Variants in ZNF510 observed in about 807,000 individuals in gnomAD.
ZNF510 encodes zinc finger protein 510.
In ZNF510, 15 loss-of-function variants were observed where a neutral mutation model predicts 18.1. The observed-to-expected ratio is 0.83, with a 90% CI of 0.55 to 1.28. The LOEUF is 1.28. Among genes scored for constraint, ZNF510 ranks in the 50% most tolerant of loss-of-function variants. The pLI is 0.00. For missense variants in ZNF510, 724 were observed against 791.8 expected, an observed-to-expected ratio of 0.91 and a Z score of 1.03; for synonymous variants, 261 against 266.4, an observed-to-expected ratio of 0.98 and a Z score of 0.20.
At chr9:96,762,494 G>T (rs1232297096) in intron 5 of ZNF510, among the ~76,000 whole-genome samples, 1 of 145,156 alleles carries the variant, frequency 6.9e-6, no homozygotes, top group Admixed American at 6.7e-5. Context: ...GAGTGACAGA[G>T]GGAGACTCCG....
intron 4 of ZNF510, 134 bp downstream of exon 4, chr9:96,763,372 A>G: frequency 7.6e-7 from 1 of 1,308,442 alleles, no homozygotes; most frequent in Non-Finnish European, 1.1e-6. Flanking sequence ...TCGACAGGGC[A>G]TAGTTACTTT....
At chr9:96,762,622 C>T (rs1270007305) in intron 5 of ZNF510, among the ~76,000 whole-genome samples, 9 of 152,184 alleles carry the variant, frequency 5.9e-5, no homozygotes, top group Middle Eastern at 6.3e-3. Flanking sequence ...TCCATATCCT[C>T]ACCAAGACTT....
rs79169465 is a variant in ZNF510 at position 96,755,546 on chromosome 9, T to C, written c.*3232A>G. On this transcript the variant is annotated 3_prime_UTR_variant, in exon 6 of 6. Coordinates refer to ENST00000223428, the MANE Select transcript of ZNF510 (RefSeq NM_014930.3). ...CAGTTACAATGTAACTGGCCTATGA[T>C]ATTCTATTTCTTAAGTCCTAAGATG... 0.015 allele frequency among the ~76,000 whole-genome samples: 2,321 copies of C among 152,282 alleles called. 63 individuals carry two copies. The highest frequency in any genetic ancestry group is 0.052 in the African/African-American group (2,177 of 41,552).
intron 3 of ZNF510, 68 bp downstream of exon 3, chr9:96,774,720 A>G (rs1849652732): frequency 1.5e-6 from 2 of 1,352,354 alleles, no homozygotes; most frequent in Admixed American, 3.5e-5. Flanking sequence ...CTACATTTCC[A>G]TATTAATATG....
At chr9:96,766,620 ACT>A (rs770870351) in intron 3 of ZNF510, among the ~76,000 whole-genome samples, 7 of 151,464 alleles carry the variant, frequency 4.6e-5, no homozygotes, top group Non-Finnish European at 5.9e-5. Flanking sequence ...GCATAACATA[ACT>A]CTCTGGTTTC....
Position 96,764,889 on chromosome 9 carries a change from C to T in ZNF510, c.130-1257G>A, listed in dbSNP as rs973044463. Among the ~76,000 whole-genome samples the T allele has an allele frequency of 4.6e-5, 7 of 151,758 alleles. No individual in the cohort carries two copies. The South Asian group carries it at 6.2e-4, about 14-fold the overall frequency. ...TAGCACTTTGGGAGGCCGAGGCAGG[C>T]GGATCACGAGGTCAGGAGTTTGAGA... On this transcript the variant is annotated intron_variant, in intron 3 of 5. Coordinates refer to ENST00000223428, the MANE Select transcript of ZNF510 (RefSeq NM_014930.3).
chr9:96,769,149 A>C (rs928419868), intron 3 of ZNF510, among the ~76,000 whole-genome samples: 1 of 152,156 alleles, frequency 6.6e-6, no homozygotes, highest in African/African-American at 2.4e-5. Flanking sequence ...AATTGCCTCA[A>C]AACAGCCAGG....
Position 96,758,287 on chromosome 9 carries a change from A to C in ZNF510, c.*491T>G, listed in dbSNP as rs979304766. 8 of 153,934 alleles carry C rather than the reference A, an allele frequency of 5.2e-5. No individual in the cohort carries two copies. The highest frequency in any genetic ancestry group is 1.9e-4 in the African/African-American group (8 of 41,438). The allele number at this position is 153,934 out of a possible 1,614,324, so 9.5% of individuals were successfully genotyped here. A position where few individuals can be genotyped will look rare whatever the true frequency, so the allele number is the denominator to read the frequency against. On this transcript the variant is annotated 3_prime_UTR_variant, in exon 6 of 6. Transcript: ENST00000223428. ...CAAGCTTGTCCTAGAAATGATATCC[A>C]TTTTGTTGTGACAGGGCCCTGGTAA...
Position 96,756,861 on chromosome 9 carries a change from G to C in ZNF510, c.*1917C>G, listed in dbSNP as rs1296399653. Reference sequence around the variant, plus strand: ...GAAGCCCAAAATGATCAGAGCTGTTGGACCTCAGAGGTATCTTTACATACA... The same window carrying C: ...GAAGCCCAAAATGATCAGAGCTGTTCGACCTCAGAGGTATCTTTACATACA... On this transcript the variant is annotated 3_prime_UTR_variant, in exon 6 of 6. Coordinates refer to ENST00000223428, the MANE Select transcript of ZNF510 (RefSeq NM_014930.3). 1 of 152,126 alleles carries C rather than the reference G, an allele frequency of 6.6e-6. No individual in the cohort carries two copies. The highest frequency in any genetic ancestry group is 1.5e-5 in the Non-Finnish European group (1 of 68,024). The allele number at this position is 152,126 out of a possible 1,614,324, so 9.4% of individuals were successfully genotyped here. A position where few individuals can be genotyped will look rare whatever the true frequency, so the allele number is the denominator to read the frequency against.
Position 96,757,785 on chromosome 9 carries a change from C to T in ZNF510, c.*993G>A, listed in dbSNP as rs1175353501. 1 of 152,140 alleles carries T rather than the reference C, an allele frequency of 6.6e-6. No individual in the cohort carries two copies. The highest frequency in any genetic ancestry group is 1.5e-5 in the Non-Finnish European group (1 of 68,024). 9.4% of individuals were successfully genotyped at this position (152,140 alleles called of 1,614,324 possible). A position where few individuals can be genotyped will look rare whatever the true frequency, so the allele number is the denominator to read the frequency against. On this transcript the variant is annotated 3_prime_UTR_variant, in exon 6 of 6. Transcript: ENST00000223428. The stretch of plus-strand genomic sequence containing the variant: ...AGGACTAATAATGGAATAATTACAA[C>T]AACATGCCAGAAATGCTCTTGCAAT...
chr9:96,775,769 T>C (rs1849683915), intron 2 of ZNF510, among the ~76,000 whole-genome samples: 1 of 152,156 alleles, frequency 6.6e-6, no homozygotes, highest in Non-Finnish European at 1.5e-5. Flanking sequence ...GAGGCAACCT[T>C]AGTAAATTTC....
chr9:96,763,388 C>T (rs1849401356), intron 4 of ZNF510, 118 bp downstream of exon 4: 10 of 1,382,284 alleles, frequency 7.2e-6, no homozygotes, highest in Non-Finnish European at 9.8e-6. Flanking sequence ...ACTTTGGAAT[C>T]CTGAATGAAA....
intron 2 of ZNF510, among the ~76,000 whole-genome samples, 195 bp downstream of exon 2, chr9:96,775,805 T>G (rs1256660888): frequency 6.6e-6 from 1 of 152,198 alleles, no homozygotes; most frequent in African/African-American, 2.4e-5. Flanking sequence ...ATGGATGTTG[T>G]GTGAGAGTGA....
In ZNF510 at chr9:96,760,449, C is replaced by T. The variant is rs755511248; in HGVS notation, c.381G>A (p.Lys127=). ...GTTTGTCTTTGATTTTCTTGTTCTG[C>T]TTGATCAGGTCATCACCTCTGTAAT... ...PKDYRGDDLI[K]QNKKIKDKHL... The change falls in exon 6 of 6, where the codon AAG becomes AAA. Residue 127 remains lysine (K), a synonymous_variant. Transcript: ENST00000223428. 3.7e-6 allele frequency: 6 copies of T among 1,610,272 alleles called. No individual in the cohort carries two copies. In the South Asian group the frequency reaches 5.5e-5, roughly 15 times the overall value.
At chr9:96,766,599 G>A (rs1312136006) in intron 3 of ZNF510, among the ~76,000 whole-genome samples, 1 of 151,068 alleles carries the variant, frequency 6.6e-6, no homozygotes, top group East Asian at 1.9e-4. Flanking sequence ...GACATATATA[G>A]GATAACCTCT....
chr9:96,774,744 A>C, intron 3 of ZNF510, 44 bp downstream of exon 3: 1 of 1,533,196 alleles, frequency 6.5e-7, no homozygotes, highest in Non-Finnish European at 9.0e-7. Context: ...ACCCTTAAAC[A>C]CCTATGAAAT....
rs371297182 is a variant in ZNF510, at chr9:96,774,771, A to G, written c.129+17T>C. 1 of 1,606,276 alleles carries G rather than the reference A, an allele frequency of 6.2e-7. No individual in the cohort carries two copies. On this transcript the variant is annotated intron_variant, in intron 3 of 5. Transcript: ENST00000223428. ...CTATGAAATCCATGATGAAAAAGGT[A>G]TTAGTAATTAACTCACCTGAGATAT...
chr9:96,773,906 C>T (rs1588133305), intron 3 of ZNF510, among the ~76,000 whole-genome samples: 2 of 152,132 alleles, frequency 1.3e-5, no homozygotes, highest in Non-Finnish European at 1.5e-5. Flanking sequence ...AGACTTCACC[C>T]GGCCCCCGAT....
intron 2 of ZNF510, among the ~76,000 whole-genome samples, 171 bp downstream of exon 2, chr9:96,775,827 GAA>G (rs1260042683): frequency 1.3e-5 from 2 of 152,188 alleles, no homozygotes; most frequent in Non-Finnish European, 2.9e-5. Flanking sequence ...TCAGAATCTG[GAA>G]AGAGTGAGGC....
Sources: allele counts gnomAD v4.1 joint callset (sites outside exome capture counted in the v4.1 genomes callset), GRCh38; gene constraint gnomAD v4.1.1; transcripts MANE v1.5; gene names NCBI Gene and HGNC (gene_info 2026-07-23, HGNC 2026-07-21).